The following RIMS1 variants were observed in gnomAD, a reference collection of about 807,000 sequenced individuals.
RIMS1 encodes regulating synaptic membrane exocytosis 1, also known as regulating synaptic membrane exocytosis protein 1.
A neutral mutation model predicts 214.1 loss-of-function variants in RIMS1; 83 were observed. The ratio of observed to expected loss-of-function variants is 0.39; its 90% CI spans 0.32 to 0.47. The LOEUF (loss-of-function observed/expected upper bound fraction) is 0.47. RIMS1 is among the 20% of genes least tolerant of loss of function. The pLI is 0.99. For missense variants in RIMS1, 2,050 were observed against 2,161.8 expected (o/e 0.95, Z 1.03); for synonymous variants, 793 against 786.8 (o/e 1.01, Z -0.13).
intron 27 of RIMS1, among the ~76,000 whole-genome samples, chr6:72,312,087 A>G (rs2095539675): frequency 6.6e-6 from 1 of 152,176 alleles, no homozygotes; most frequent in Admixed American, 6.5e-5. Flanking sequence ...TTATTGTCTA[A>G]TCTTCTTTTT....
intron 29 of RIMS1, among the ~76,000 whole-genome samples, chr6:72,370,732 CAT>C (rs2098190326): frequency 6.6e-6 from 1 of 151,950 alleles, no homozygotes; most frequent in South Asian, 2.1e-4. Flanking sequence ...AGAAAGCAGA[CAT>C]AAATATTTAT....
chr6:72,293,301 T>C (rs2093665270), intron 26 of RIMS1, among the ~76,000 whole-genome samples: 1 of 152,024 alleles, frequency 6.6e-6, no homozygotes, highest in Non-Finnish European at 1.5e-5. Context: ...ACTCTGACTT[T>C]CTTTTTTAAA....
chr6:72,186,868 C>T (rs1488936821), intron 6 of RIMS1, among the ~76,000 whole-genome samples: 1 of 151,956 alleles, frequency 6.6e-6, no homozygotes, highest in Admixed American at 6.6e-5. Flanking sequence ...CAGTGGCTCT[C>T]ACCTGTAATT....
intron 1 of RIMS1, among the ~76,000 whole-genome samples, chr6:71,937,363 C>T (rs1175771955): frequency 2.0e-5 from 3 of 152,218 alleles, no homozygotes; most frequent in Non-Finnish European, 2.9e-5. Flanking sequence ...CAGGCTCAAG[C>T]GATTCTCCCA....
chr6:72,049,162 T>C (rs913376553), intron 2 of RIMS1, among the ~76,000 whole-genome samples: 7 of 151,982 alleles, frequency 4.6e-5, no homozygotes, highest in African/African-American at 1.7e-4. Context: ...AAATAAGAGG[T>C]TGAAGAAACA....
rs184020435 is a variant in RIMS1 at position 72,158,424 on chromosome 6, C to T, written c.472-21151C>T. ...TTAAAAAGATTGTATTTTTTTTAAT[C>T]ATACTCTAAGTTTTAGGCTACATGT... On this transcript the variant is annotated intron_variant, in intron 4 of 33. Transcript: ENST00000521978. Among the ~76,000 whole-genome samples, 64 of 139,916 alleles carry T rather than the reference C, an allele frequency of 4.6e-4. 3 individuals carry two copies. Among genetic ancestry groups the T allele is most frequent in the Middle Eastern group, 3.6e-3 (1 of 278 alleles). The allele number at this position is 139,916 out of a possible 152,430, so 91.8% of individuals were successfully genotyped here.
At chr6:72,182,186 G>C (rs1351092408) in intron 5 of RIMS1, 98 bp from the exon 6 acceptor site, 11 of 1,308,354 alleles carry the variant, frequency 8.4e-6, no homozygotes, top group Middle Eastern at 2.7e-4. Flanking sequence ...ACTAATTATT[G>C]TAACTGAAAT....
Position 72,179,661 on chromosome 6 carries a change from G to C in RIMS1, c.558G>C (p.Gln186His), listed in dbSNP as rs1377625256. The C allele has an allele frequency of 6.2e-7, 1 of 1,613,840 alleles. No individual in the cohort carries two copies. The highest frequency in any genetic ancestry group is 8.5e-7 in the Non-Finnish European group (1 of 1,179,886). ...GGTTCTTTGGAAGTGGCCCTCAGCA[G>C]ACAAGTCAGGATGGAACCCTGAGTG... ...GAWFFGSGPQ[Q>H]TSQDGTLSDT... Residue 186 changes from glutamine (Q) to histidine (H), a missense_variant, in exon 5 of 34, where the codon CAG (glutamine) becomes CAC (histidine). By Grantham distance (24) the Gln-to-His change is conservative. Coordinates refer to ENST00000521978, the MANE Select transcript of RIMS1 (RefSeq NM_014989.7).
Position 72,161,235 on chromosome 6 carries a change from C to G in RIMS1, c.472-18340C>G, listed in dbSNP as rs1282561659. Among the ~76,000 whole-genome samples the G allele has an allele frequency of 1.4e-5, 2 of 139,832 alleles. 1 individual carries two copies. Among genetic ancestry groups the G allele is most frequent in the African/African-American group, 4.9e-5 (2 of 40,472 alleles). 91.7% of individuals were successfully genotyped at this position (139,832 alleles called of 152,430 possible). The stretch of plus-strand genomic sequence containing the variant: ...TTTCTGTGGGATTGGTGGTGATATC[C>G]CCTTTATCAGTTTTTATTGCATCTG... On this transcript the variant is annotated intron_variant, in intron 4 of 33. Transcript: ENST00000521978.
Position 72,183,058 on chromosome 6 carries a change from G to T in RIMS1, c.1587G>T (p.Ser529=), listed in dbSNP as rs963773572. 2 of 1,596,436 alleles carry T rather than the reference G, an allele frequency of 1.3e-6. No individual in the cohort carries two copies. The highest frequency in any genetic ancestry group is 2.7e-5 in the African/African-American group (2 of 74,766). Residue 529 remains serine, a synonymous_variant, in exon 6 of 34, where the codon TCG becomes TCT. Coordinates refer to ENST00000521978, the MANE Select transcript of RIMS1 (RefSeq NM_014989.7). Reference sequence around the variant, plus strand: ...GAGGCGGCAAGAAGCGGCAGATGTCGGTGAGCAGCTCTGAGGAGGAGGGCG... The same window carrying T: ...GAGGCGGCAAGAAGCGGCAGATGTCTGTGAGCAGCTCTGAGGAGGAGGGCG... ...SKRGGKKRQM[S]VSSSEEEGVS...
rs561323312 is a variant in RIMS1 at position 72,202,692 on chromosome 6, C to T, written c.1678+19543C>T. ...AAATACTGATTTTGGCATTTGTCTC[C>T]ATGGTTGTCTATGAAAAACATGATC... On this transcript the variant is annotated intron_variant, in intron 6 of 33. Coordinates refer to ENST00000521978, the MANE Select transcript of RIMS1 (RefSeq NM_014989.7). Among the ~76,000 whole-genome samples, 70 of 152,220 alleles carry T rather than the reference C, an allele frequency of 4.6e-4. 1 individual carries two copies. The highest frequency in any genetic ancestry group is 5.1e-4 in the Non-Finnish European group (35 of 68,002).
intron 6 of RIMS1, among the ~76,000 whole-genome samples, chr6:72,211,873 C>CT (rs35340030): frequency 0.53 from 80,511 of 151,892 alleles, 23,189 homozygotes; most frequent in East Asian, 0.83. Flanking sequence ...AAGTAGAAGC[C>CT]TTAGGTTAGT....
chr6:72,399,157 A>T (rs2098811969), intron 33 of RIMS1, 63 bp downstream of exon 33: 2 of 1,362,202 alleles, frequency 1.5e-6, no homozygotes, highest in South Asian at 3.6e-5. Context: ...CATCGAAGAG[A>T]TGGTCAAACA....
intron 24 of RIMS1, among the ~76,000 whole-genome samples, chr6:72,285,650 A>G (rs1222509580): frequency 1.3e-5 from 2 of 152,186 alleles, no homozygotes; most frequent in African/African-American, 4.8e-5. Context: ...GAGGAAGGAA[A>G]TTGATCAATC....
At chr6:72,323,493 A>T (rs1020602479) in intron 28 of RIMS1, among the ~76,000 whole-genome samples, 1 of 152,002 alleles carries the variant, frequency 6.6e-6, no homozygotes, top group Non-Finnish European at 1.5e-5. Flanking sequence ...TATGAGAAAC[A>T]GTAAAACCAA....
intron 4 of RIMS1, among the ~76,000 whole-genome samples, chr6:72,129,847 G>A (rs1422875425): frequency 2.0e-5 from 3 of 152,134 alleles, no homozygotes; most frequent in Admixed American, 1.3e-4. Context: ...AAACATACAT[G>A]AATTTTAATA....
chr6:72,342,938 G>C (rs1222162333), intron 29 of RIMS1, among the ~76,000 whole-genome samples: 1 of 151,776 alleles, frequency 6.6e-6, no homozygotes, highest in African/African-American at 2.4e-5. Flanking sequence ...GAGGCTGCTT[G>C]ATCTTCTCAG....
At chr6:72,264,722 G>A (rs570241711) in intron 19 of RIMS1, among the ~76,000 whole-genome samples, 3 of 152,104 alleles carry the variant, frequency 2.0e-5, no homozygotes, top group Admixed American at 6.6e-5. Flanking sequence ...CATAGAGTTT[G>A]GTTAGCAGGT....
At chr6:72,112,752 C>A (rs963688479) in intron 4 of RIMS1, among the ~76,000 whole-genome samples, 1 of 152,140 alleles carries the variant, frequency 6.6e-6, no homozygotes, top group African/African-American at 2.4e-5. Flanking sequence ...AACATCCTTT[C>A]TTTTTACCAT....
Sources: gnomAD v4.1 joint callset for allele counts (sites outside exome capture counted in the v4.1 genomes callset) on GRCh38, gnomAD v4.1.1 for gene constraint, MANE v1.5 for transcripts, NCBI Gene and HGNC (gene_info 2026-07-23, HGNC 2026-07-21) for gene names.